P3H2: variants seen among roughly 807,000 people sequenced by gnomAD.
P3H2 encodes the protein prolyl 3-hydroxylase 2, also known as leprecan-like 1.
A neutral mutation model predicts 87.0 loss-of-function variants in P3H2; 80 were observed. That is an observed-to-expected ratio of 0.92 (90% confidence interval 0.77 to 1.11). The LOEUF is 1.11. P3H2 is among the 50% of genes least tolerant of loss of function. The pLI, the probability that P3H2 is intolerant of heterozygous loss-of-function variation, is 0.00. For missense variants in P3H2, 1,001 were observed against 923.9 expected (o/e 1.08, Z -1.08); for synonymous variants, 367 against 359.3 (o/e 1.02, Z -0.24).
intron 1 of P3H2, 61 bp downstream of exon 1, chr3:190,120,191 G>A: frequency 1.9e-6 from 3 of 1,565,972 alleles, no homozygotes; most frequent in Non-Finnish European, 1.7e-6. Flanking sequence ...CAGCAGGGAG[G>A]GCTCAAGAGA....
At position 190,022,763 on chromosome 3, in the gene P3H2, A is replaced by C. The variant is rs572655071; in HGVS notation, c.481-27321T>G. 5.3e-5 allele frequency among the ~76,000 whole-genome samples: 8 copies of C among 152,250 alleles called. No homozygotes were observed. In the East Asian group the frequency reaches 1.5e-3, roughly 29 times the overall value. ...CAGAATCACCTAGGGGTCATAGGTG[A>C]CTGCTGGTCCCCTCCTCCGAAGTTT... On this transcript the variant is annotated intron_variant, in intron 1 of 14. Coordinates refer to ENST00000319332, the MANE Select transcript of P3H2 (RefSeq NM_018192.4).
At chr3:189,961,020 A>AACCTCC (rs1722795461) in intron 14 of P3H2, among the ~76,000 whole-genome samples, 1 of 151,760 alleles carries the variant, frequency 6.6e-6, no homozygotes, top group South Asian at 2.1e-4. Context: ...GGGTTACAGC[A>AACCTCC]ACCTCCACCT....
intron 1 of P3H2, among the ~76,000 whole-genome samples, chr3:190,099,576 T>C (rs1309399779): frequency 6.6e-6 from 1 of 152,172 alleles, no homozygotes; most frequent in African/African-American, 2.4e-5. Flanking sequence ...AATCAGAACA[T>C]GGATGTGTTG....
intron 1 of P3H2, among the ~76,000 whole-genome samples, chr3:190,089,915 G>T (rs1727353979): frequency 6.6e-6 from 1 of 152,038 alleles, no homozygotes; most frequent in South Asian, 2.1e-4. Flanking sequence ...TTAGTCACAG[G>T]GTGAAGAAAT....
In P3H2 at chr3:189,984,557, C is replaced by T. The variant is rs35737596; in HGVS notation, c.1222G>A (p.Glu408Lys). ...YWIRYGGRQDENRVPSGVNVE... is the reference protein window; with the variant it reads ...YWIRYGGRQDKNRVPSGVNVE... ...CATTCTGAATGGACTTACCGATTCT[C>T]ATCCTGTCGTCCTCCATATCTGATC... Residue 408 changes from glutamate to lysine, a missense_variant, in exon 7 of 15, where the codon GAG becomes AAG. By Grantham distance (56) the Glu-to-Lys change is moderately conservative. Coordinates refer to ENST00000319332, the MANE Select transcript of P3H2 (RefSeq NM_018192.4). 8.0e-4 allele frequency: 1,297 copies of T among 1,612,174 alleles called. 8 individuals carry two copies. In the African/African-American group the frequency reaches 0.016, roughly 20 times the overall value.
chr3:190,069,614 G>A (rs1429918480), intron 1 of P3H2, among the ~76,000 whole-genome samples: 1 of 152,144 alleles, frequency 6.6e-6, no homozygotes, highest in Admixed American at 6.6e-5. Context: ...CCAAGATGCT[G>A]AAGGACACCA....
rs544360216 is a variant in P3H2 at position 190,043,344 on chromosome 3, G to A, written c.481-47902C>T. On this transcript the variant is annotated intron_variant, in intron 1 of 14. Coordinates refer to ENST00000319332, the MANE Select transcript of P3H2 (RefSeq NM_018192.4). ...GCTAACCTCCAGGAAGCCATGTGGA[G>A]CCTACTGATGAATGGAGATGATGAG... 2.0e-5 allele frequency among the ~76,000 whole-genome samples: 3 copies of A among 152,290 alleles called. No individual in the cohort carries two copies. The East Asian group carries it at 5.8e-4, about 29-fold the overall frequency.
At chr3:190,044,017 C>T (rs758483307) in intron 1 of P3H2, among the ~76,000 whole-genome samples, 86 of 152,094 alleles carry the variant, frequency 5.7e-4, no homozygotes, top group Non-Finnish European at 1.0e-3. Flanking sequence ...TAGTCATAAA[C>T]ACTTTACAAA....
At chr3:190,067,011 C>T (rs60035002) in intron 1 of P3H2, among the ~76,000 whole-genome samples, 22,958 of 139,154 alleles carry the variant, frequency 0.16, 2,876 homozygotes, top group African/African-American at 0.36. Context: ...AATTTTCTTT[C>T]TTTTTTTTTT....
chr3:189,984,996 A>G (rs925839117), intron 6 of P3H2, among the ~76,000 whole-genome samples: 6 of 152,116 alleles, frequency 3.9e-5, no homozygotes, highest in Admixed American at 2.0e-4. Context: ...AAATTAGTAA[A>G]TAACATATTT....
intron 1 of P3H2, among the ~76,000 whole-genome samples, chr3:190,115,286 T>C (rs1239372904): frequency 1.3e-5 from 2 of 152,064 alleles, no homozygotes; most frequent in Admixed American, 6.6e-5. Flanking sequence ...CTTTTAATCC[T>C]AAGAAGAAAA....
intron 1 of P3H2, among the ~76,000 whole-genome samples, chr3:190,034,658 A>T (rs1725360126): frequency 6.6e-6 from 1 of 152,152 alleles, no homozygotes; most frequent in South Asian, 2.1e-4. Flanking sequence ...GGGCTGCATG[A>T]GGGAATTTTG....
At chr3:190,047,330 C>G (rs1725839245) in intron 1 of P3H2, among the ~76,000 whole-genome samples, 1 of 152,104 alleles carries the variant, frequency 6.6e-6, no homozygotes, top group Non-Finnish European at 1.5e-5. Context: ...ATGGAGAGTC[C>G]TCAAAAAACT....
chr3:189,998,150 A>G (rs1323218963), intron 1 of P3H2, among the ~76,000 whole-genome samples: 20 of 151,848 alleles, frequency 1.3e-4, no homozygotes, highest in Non-Finnish European at 2.9e-4. Context: ...CCATTAATGA[A>G]GAGTAGAGTT....
At chr3:190,025,028 T>C (rs980561809) in intron 1 of P3H2, among the ~76,000 whole-genome samples, 9 of 152,174 alleles carry the variant, frequency 5.9e-5, no homozygotes, top group African/African-American at 1.7e-4. Context: ...AAAGGAACTA[T>C]ACAAGTGGCA....
chr3:190,018,888 T>A (rs1724850431), intron 1 of P3H2, among the ~76,000 whole-genome samples: 1 of 152,182 alleles, frequency 6.6e-6, no homozygotes, highest in African/African-American at 2.4e-5. Flanking sequence ...GAACAAGTAT[T>A]TCTATCTTTC....
intron 1 of P3H2, among the ~76,000 whole-genome samples, chr3:190,001,477 A>G (rs887697989): frequency 6.6e-6 from 1 of 152,186 alleles, no homozygotes; most frequent in Non-Finnish European, 1.5e-5. Context: ...GAATTTATCC[A>G]TTACATTTTA....
At chr3:189,964,350 A>G (rs1722909798) in intron 13 of P3H2, among the ~76,000 whole-genome samples, 1 of 152,256 alleles carries the variant, frequency 6.6e-6, no homozygotes, top group South Asian at 2.1e-4. Flanking sequence ...ATACATAGTA[A>G]TCATTCAATA....
At chr3:190,044,075 T>G (rs765711) in intron 1 of P3H2, among the ~76,000 whole-genome samples, 54,547 of 152,072 alleles carry the variant, frequency 0.36, 10,174 homozygotes, top group African/African-American at 0.47. Context: ...TCATTTTTAG[T>G]TAGCATATTG....
Sources: gnomAD v4.1 joint callset for allele counts (sites outside exome capture counted in the v4.1 genomes callset) on GRCh38, gnomAD v4.1.1 for gene constraint, MANE v1.5 for transcripts, NCBI Gene and HGNC (gene_info 2026-07-23, HGNC 2026-07-21) for gene names.